SKIL: variants seen among roughly 807,000 people sequenced by gnomAD.
SKIL encodes ski-like protein.
SKIL carries 20 observed loss-of-function variants against 69.6 expected under a neutral mutation model. That is an observed-to-expected ratio of 0.29 (90% confidence interval 0.20 to 0.42). The LOEUF is 0.42. SKIL is among the 10% of genes least tolerant of loss of function. SKIL has a pLI of 1.00. For synonymous variants in SKIL, 310 were observed against 279.9 expected (o/e 1.11, Z -1.08); for missense variants, 745 against 783.1 (o/e 0.95, Z 0.58).
rs111262522 is a variant in SKIL, at chr3:170,390,812, C to T, written c.1672-224C>T. ...ATATTCTTAGTAAGAAAAGTCAAAA[C>T]GAGATGCTACAAATGTACTTAAGAT... On this transcript the variant is annotated intron_variant, in intron 5 of 6. Transcript: ENST00000259119. Among the ~76,000 whole-genome samples the T allele has an allele frequency of 4.2e-3, 639 of 152,204 alleles. 6 individuals are homozygous for T. The highest frequency in any genetic ancestry group is 0.014 in the African/African-American group (598 of 41,516).
At chr3:170,390,518 GCT>G in intron 5 of SKIL, 54 bp downstream of exon 5, 1 of 1,456,830 alleles carries the variant, frequency 6.9e-7, no homozygotes, top group Non-Finnish European at 9.5e-7. Context: ...TTTGTATATT[GCT>G]CTGTCGCCCA....
Position 170,361,554 on chromosome 3 carries a change from T to A in SKIL, c.1098+125T>A, listed in dbSNP as rs1055406500. The A allele has an allele frequency of 6.5e-6, 5 of 774,482 alleles. No individual in the cohort carries two copies. The African/African-American group carries it at 8.7e-5, about 14-fold the overall frequency. The allele number at this position is 774,482 out of a possible 1,614,324, so 48.0% of individuals were successfully genotyped here. The stretch of plus-strand genomic sequence containing the variant: ...CATGCAACAACAACAAAATACCGAT[T>A]GATATATTTGTATTGCAGTTTTTAG... On this transcript the variant is annotated intron_variant, in intron 2 of 6. Transcript: ENST00000259119.
chr3:170,390,478 C>G lies in SKIL; in HGVS notation c.1671+14C>G. 1 of 1,599,660 alleles carries G rather than the reference C, an allele frequency of 6.3e-7. No homozygotes were observed. Among genetic ancestry groups the G allele is most frequent in the Non-Finnish European group, 8.6e-7 (1 of 1,167,656 alleles). On this transcript the variant is annotated intron_variant, in intron 5 of 6. Transcript: ENST00000259119. ...CAACTTCAGATGGTAAAATTGTTAT[C>G]TAAATGATAGTCCATTATGAAAAGA...
intron 2 of SKIL, among the ~76,000 whole-genome samples, chr3:170,362,925 A>AG (rs1322100245): frequency 6.7e-6 from 1 of 150,358 alleles, no homozygotes; most frequent in Non-Finnish European, 1.5e-5. Flanking sequence ...TTGAATGCCG[A>AG]GGTAATGGAC....
At chr3:170,368,197 A>G (rs774848348) in intron 2 of SKIL, among the ~76,000 whole-genome samples, 7 of 152,188 alleles carry the variant, frequency 4.6e-5, no homozygotes, top group Non-Finnish European at 8.8e-5. Flanking sequence ...GATACAGATT[A>G]TATTTTGCAA....
In SKIL at chr3:170,372,891, A is replaced by G. The variant is rs567270648; in HGVS notation, c.1099-8353A>G. Reference sequence around the variant, plus strand: ...GGGAGATAGACTATTAAATTTACCAACCTACACTACTGCTTCTGTCTTATG... The same window carrying G: ...GGGAGATAGACTATTAAATTTACCAGCCTACACTACTGCTTCTGTCTTATG... On this transcript the variant is annotated intron_variant, in intron 2 of 6. Transcript: ENST00000259119. Among the ~76,000 whole-genome samples, 40 of 152,202 alleles carry G rather than the reference A, an allele frequency of 2.6e-4. 1 individual carries two copies. The South Asian group carries it at 6.0e-3, about 23-fold the overall frequency.
At position 170,392,485 on chromosome 3, in the gene SKIL, A is replaced by T. The variant is rs73163830; in HGVS notation, c.*68A>T. The T allele has an allele frequency of 1.0e-3, 1,051 of 1,005,836 alleles. 1 individual carries two copies. The highest frequency in any genetic ancestry group is 2.7e-3 in the Middle Eastern group (12 of 4,422). 62.3% of individuals were successfully genotyped at this position (1,005,836 alleles called of 1,614,324 possible). A position where few individuals can be genotyped will look rare whatever the true frequency, so the allele number is the denominator to read the frequency against. ...TTTTTGTTTGTTGCTTGCTTTGGTA[A>T]TTGAATTCTGAAGAATTTATCTGCA... On this transcript the variant is annotated 3_prime_UTR_variant, in exon 7 of 7. Coordinates refer to ENST00000259119, the MANE Select transcript of SKIL (RefSeq NM_005414.5).
chr3:170,373,021 T>G (rs1736864142), intron 2 of SKIL, among the ~76,000 whole-genome samples: 1 of 141,824 alleles, frequency 7.1e-6, no homozygotes, highest in African/African-American at 2.6e-5. Flanking sequence ...GGAGTCTCAC[T>G]CTGTCGCCCA....
intron 4 of SKIL, among the ~76,000 whole-genome samples, chr3:170,386,189 G>A (rs566595638): frequency 9.2e-5 from 14 of 151,768 alleles, no homozygotes; most frequent in Non-Finnish European, 1.6e-4. Context: ...AGAGTGCAAC[G>A]GTGTGATCTC....
At position 170,369,082 on chromosome 3, in the gene SKIL, A is replaced by ATTT. The variant is rs55652320; in HGVS notation, c.1098+7675_1098+7677dup. Among the ~76,000 whole-genome samples the ATTT allele has an allele frequency of 5.4e-4, 68 of 126,764 alleles. 2 individuals are homozygous for ATTT. Among genetic ancestry groups the ATTT allele is most frequent in the African/African-American group, 1.7e-3 (58 of 33,520 alleles). The allele number at this position is 126,764 out of a possible 152,430, so 83.2% of individuals were successfully genotyped here. ...TATGTGGACCCTCCCTATCCCTGGC[A>ATTT]TTTTTTTTTTTTTTTTTTTTTTTTG... On this transcript the variant is annotated intron_variant, in intron 2 of 6. Coordinates refer to ENST00000259119, the MANE Select transcript of SKIL (RefSeq NM_005414.5).
intron 4 of SKIL, 73 bp downstream of exon 4, chr3:170,384,838 CT>C (rs1203147208): frequency 1.2e-6 from 1 of 817,022 alleles, no homozygotes; most frequent in Admixed American, 2.8e-5. Flanking sequence ...TTCAAACAGG[CT>C]TTTTGTTTGA....
rs1366952632 is a variant in SKIL, at chr3:170,392,797, C to A, written c.*380C>A. 1 of 154,414 alleles carries A rather than the reference C, an allele frequency of 6.5e-6. No homozygotes were observed. Among genetic ancestry groups the A allele is most frequent in the African/African-American group, 2.4e-5 (1 of 41,498 alleles). 9.6% of individuals were successfully genotyped at this position (154,414 alleles called of 1,614,324 possible). ...CATATTTCAGACTCAATTTTAGATA[C>A]AATGGTGGCTTTATATTTTAAGTAT... On this transcript the variant is annotated 3_prime_UTR_variant, in exon 7 of 7. Transcript: ENST00000259119.
intron 2 of SKIL, among the ~76,000 whole-genome samples, chr3:170,377,398 C>T (rs1352268025): frequency 3.7e-5 from 5 of 136,706 alleles, no homozygotes; most frequent in Non-Finnish European, 1.6e-5. Flanking sequence ...GTGCCCAGGC[C>T]TTTTTTTTTT....
chr3:170,396,179 A>C lies in SKIL; in HGVS notation c.*3762A>C, dbSNP rs1259193164. The C allele has an allele frequency of 6.6e-6, 1 of 152,104 alleles. No individual in the cohort carries two copies. The highest frequency in any genetic ancestry group is 1.9e-4 in the East Asian group (1 of 5,202). 9.4% of individuals were successfully genotyped at this position (152,104 alleles called of 1,614,324 possible). A position where few individuals can be genotyped will look rare whatever the true frequency, so the allele number is the denominator to read the frequency against. ...AATTTAAAAATTCAGCCCAGAAAAC[A>C]AAATAGTGTATTAAATTAGTTTAAT... On this transcript the variant is annotated 3_prime_UTR_variant, in exon 7 of 7. Coordinates refer to ENST00000259119, the MANE Select transcript of SKIL (RefSeq NM_005414.5).
intron 2 of SKIL, among the ~76,000 whole-genome samples, chr3:170,372,669 A>T (rs1470546565): frequency 6.6e-6 from 1 of 152,156 alleles, no homozygotes; most frequent in Non-Finnish European, 1.5e-5. Context: ...GGGTGTCTTT[A>T]TACTTCTGAA....
chr3:170,388,002 A>G (rs529284212), intron 4 of SKIL, among the ~76,000 whole-genome samples: 13 of 151,386 alleles, frequency 8.6e-5, no homozygotes, highest in Admixed American at 7.9e-4. Flanking sequence ...TAAGTGTAGA[A>G]CTATATTTTC....
chr3:170,357,930 C>G (rs1057480451), intron 1 of SKIL, 167 bp downstream of exon 1: 4 of 152,218 alleles, frequency 2.6e-5, no homozygotes, highest in African/African-American at 7.2e-5. Context: ...TGCGCGGGTC[C>G]CGGGTGGGGT....
In SKIL at chr3:170,394,040, TA is replaced by T. The variant is rs1395622374; in HGVS notation, c.*1625del. 1 of 152,020 alleles carries T rather than the reference TA, an allele frequency of 6.6e-6. No homozygotes were observed. Among genetic ancestry groups the T allele is most frequent in the African/African-American group, 2.4e-5 (1 of 41,394 alleles). The allele number at this position is 152,020 out of a possible 1,614,324, so 9.4% of individuals were successfully genotyped here. A position where few individuals can be genotyped will look rare whatever the true frequency, so the allele number is the denominator to read the frequency against. ...ATTTTCCATTTAAATTTTGCTATAT[TA>T]AGACTAATTTAATTCGTTGAGTCTT... On this transcript the variant is annotated 3_prime_UTR_variant, in exon 7 of 7. Transcript: ENST00000259119.
At chr3:170,361,458 T>TG (rs750079210) in intron 2 of SKIL, 29 bp downstream of exon 2, 1 of 1,473,532 alleles carries the variant, frequency 6.8e-7, no homozygotes, top group East Asian at 2.3e-5. Context: ...TTTTTAATAA[T>TG]GGTAATGGTT....
Sources: allele counts gnomAD v4.1 joint callset (sites outside exome capture counted in the v4.1 genomes callset), GRCh38; gene constraint gnomAD v4.1.1; transcripts MANE v1.5; gene names NCBI Gene and HGNC (gene_info 2026-07-23, HGNC 2026-07-21).